Variants in SCHIP1 observed in about 807,000 individuals in gnomAD.
SCHIP1 encodes schwannomin-interacting protein 1.
A neutral mutation model predicts 29.7 loss-of-function variants in SCHIP1; 8 were observed. That is an observed-to-expected ratio of 0.27 (90% CI 0.16 to 0.49). SCHIP1 has a LOEUF of 0.49. Among genes scored for constraint, SCHIP1 ranks in the 20% least tolerant of loss-of-function variants. The pLI is 0.99. For missense variants in SCHIP1, 193 were observed against 294.6 expected, an observed-to-expected ratio of 0.66 and a Z score of 2.52; for synonymous variants, 76 against 94.9, an observed-to-expected ratio of 0.80 and a Z score of 1.16.
chr3:159,727,310 C>G, the SCHIP1 span, among the ~76,000 whole-genome samples: 1 of 152,148 alleles, frequency 6.6e-6, no homozygotes, highest in Non-Finnish European at 1.5e-5. Flanking sequence ...TAATTACTAC[C>G]TGACATTTTC....
intron 1 of SCHIP1, among the ~76,000 whole-genome samples, chr3:159,858,952 C>T (rs997193801): frequency 1.3e-5 from 2 of 152,226 alleles, no homozygotes; most frequent in African/African-American, 4.8e-5. Flanking sequence ...GGCAGCTCAT[C>T]TTGACCTTTC....
intron 2 of SCHIP1, among the ~76,000 whole-genome samples, chr3:159,884,809 G>T (rs1226425036): frequency 1.3e-5 from 2 of 152,190 alleles, no homozygotes; most frequent in African/African-American, 2.4e-5. Context: ...CTCACTCCAA[G>T]CATCTTCAGA....
At chr3:159,860,081 C>T (rs1713872380) in intron 1 of SCHIP1, among the ~76,000 whole-genome samples, 1 of 152,100 alleles carries the variant, frequency 6.6e-6, no homozygotes, top group Non-Finnish European at 1.5e-5. Context: ...CAACCAGTGT[C>T]TCAGCAACCC....
chr3:159,591,720 AGAACACAT>A, the SCHIP1 span, among the ~76,000 whole-genome samples: 1 of 152,132 alleles, frequency 6.6e-6, no homozygotes, highest in Non-Finnish European at 1.5e-5. Context: ...GTGAACAATG[AGAACACAT>A]GAACACAGGG....
At chr3:159,605,217 G>T in the SCHIP1 span, among the ~76,000 whole-genome samples, 7 of 152,342 alleles carry the variant, frequency 4.6e-5, no homozygotes, top group African/African-American at 1.7e-4. Context: ...AATAATAAAT[G>T]TAGGGCTTCA....
At chr3:159,764,811 G>A in the SCHIP1 span, 3 of 1,580,726 alleles carry the variant, frequency 1.9e-6, no homozygotes, top group East Asian at 2.4e-5. This position sits in a 1 kb window ranked among gnomAD's most constrained non-coding sequence, Gnocchi z 6.1. Flanking sequence ...CCGCCATGCC[G>A]CCCCCGGTGC....
At chr3:159,341,910 A>G in the SCHIP1 span, among the ~76,000 whole-genome samples, 2 of 152,218 alleles carry the variant, frequency 1.3e-5, no homozygotes, top group Non-Finnish European at 2.9e-5. Flanking sequence ...TTATATAAAC[A>G]CTATGTCAAG....
the SCHIP1 span, among the ~76,000 whole-genome samples, chr3:159,427,089 G>A: frequency 7.2e-5 from 11 of 152,202 alleles, no homozygotes; most frequent in South Asian, 6.2e-4. Flanking sequence ...TACTGAATGG[G>A]CAAAAACTGG....
At chr3:159,582,809 C>CACAT in the SCHIP1 span, among the ~76,000 whole-genome samples, 36 of 151,628 alleles carry the variant, frequency 2.4e-4, no homozygotes, top group African/African-American at 8.0e-4. Context: ...CACACACACA[C>CACAT]ACACACACAC....
chr3:159,528,120 C>A, the SCHIP1 span, among the ~76,000 whole-genome samples: 8 of 152,148 alleles, frequency 5.3e-5, no homozygotes, highest in African/African-American at 1.9e-4. Flanking sequence ...AGAGAAGGAT[C>A]TCCAATTCCT....
the SCHIP1 span, among the ~76,000 whole-genome samples, chr3:159,499,627 G>C: frequency 6.6e-6 from 1 of 152,190 alleles, no homozygotes; most frequent in Non-Finnish European, 1.5e-5. Context: ...AAATTATGTA[G>C]CCCCACCTCC....
At chr3:159,386,109 G>C in the SCHIP1 span, among the ~76,000 whole-genome samples, 11 of 152,216 alleles carry the variant, frequency 7.2e-5, no homozygotes, top group South Asian at 1.9e-3. Flanking sequence ...TGGGCATCTG[G>C]GTTGGTTCCA....
chr3:159,392,290 A>G, the SCHIP1 span, among the ~76,000 whole-genome samples: 1 of 152,076 alleles, frequency 6.6e-6, no homozygotes, highest in South Asian at 2.1e-4. Flanking sequence ...ATTTAAGAAA[A>G]TGTTCTTGCC....
chr3:159,556,366 C>A, the SCHIP1 span, among the ~76,000 whole-genome samples: 32 of 152,010 alleles, frequency 2.1e-4, no homozygotes, highest in African/African-American at 4.1e-4. Context: ...GTGGCGATTC[C>A]TCAGGGATCT....
At chr3:159,658,372 T>G in the SCHIP1 span, among the ~76,000 whole-genome samples, 1 of 152,198 alleles carries the variant, frequency 6.6e-6, no homozygotes, top group Non-Finnish European at 1.5e-5. Context: ...AAATAATGGT[T>G]GGAAACCCCT....
At chr3:159,738,813 C>T in the SCHIP1 span, among the ~76,000 whole-genome samples, 7 of 152,074 alleles carry the variant, frequency 4.6e-5, no homozygotes, top group African/African-American at 9.7e-5. Context: ...CACAAGTGTG[C>T]GTGTGTTTTG....
the SCHIP1 span, among the ~76,000 whole-genome samples, chr3:159,280,402 G>A: frequency 6.6e-6 from 1 of 152,110 alleles, no homozygotes; most frequent in African/African-American, 2.4e-5. Context: ...TCCTTTCCTA[G>A]AACACTTGGC....
the SCHIP1 span, among the ~76,000 whole-genome samples, chr3:159,819,066 GA>G: frequency 1.3e-5 from 2 of 152,216 alleles, no homozygotes; most frequent in Non-Finnish European, 2.9e-5. Flanking sequence ...GCAGTCATCT[GA>G]AAGCTTGACT....
At chr3:159,616,438 C>T in the SCHIP1 span, among the ~76,000 whole-genome samples, 2 of 152,134 alleles carry the variant, frequency 1.3e-5, no homozygotes, top group Non-Finnish European at 2.9e-5. Flanking sequence ...TTGCATCCAA[C>T]TGGGAAAGAG....
Sources: gnomAD v4.1 joint callset for allele counts (sites outside exome capture counted in the v4.1 genomes callset) on GRCh38, gnomAD v4.1.1 for gene constraint, Gnocchi (gnomAD v3.1) non-coding constraint, MANE v1.5 for transcripts, NCBI Gene and HGNC (gene_info 2026-07-23, HGNC 2026-07-21) for gene names.